PLCH2: variants seen among roughly 807,000 people sequenced by gnomAD.
PLCH2 encodes 1-phosphatidylinositol 4,5-bisphosphate phosphodiesterase eta-2.
Under a neutral mutation model 134.7 loss-of-function variants are expected in PLCH2, and 98 were observed. That is an observed-to-expected ratio of 0.73 (90% CI 0.62 to 0.86). The LOEUF is 0.86. Ranked by LOEUF, PLCH2 falls within the 40% of genes least tolerant of loss-of-function variation. The pLI, the probability that PLCH2 is intolerant of heterozygous loss-of-function variation, is 0.00. For missense variants in PLCH2, 1,994 were observed against 1,986.6 expected, an observed-to-expected ratio of 1.00 and a Z score of -0.07; for synonymous variants, 974 against 827.5, an observed-to-expected ratio of 1.18 and a Z score of -3.04.
chr1:2,455,925 C>T (rs1343106450), intron 2 of PLCH2, among the ~76,000 whole-genome samples: 1 of 152,214 alleles, frequency 6.6e-6, no homozygotes, highest in African/African-American at 2.4e-5. Context: ...TGCCTGTGTG[C>T]TCGTGTGTTT....
chr1:2,437,730 A>G (rs1639495563), intron 2 of PLCH2, among the ~76,000 whole-genome samples: 1 of 152,262 alleles, frequency 6.6e-6, no homozygotes, highest in Admixed American at 6.5e-5. Flanking sequence ...AGACATGCAC[A>G]TACACGTGTG....
At chr1:2,462,273 C>T (rs1444017837) in intron 2 of PLCH2, among the ~76,000 whole-genome samples, 1 of 117,042 alleles carries the variant, frequency 8.5e-6, no homozygotes, top group African/African-American at 3.3e-5. Flanking sequence ...CACCCCTCTG[C>T]CTGGTACCCC....
rs1260878815 is a variant in PLCH2 at position 2,444,691 on chromosome 1, C to A, written c.115+14062C>A. ...TCCCCTCCGCTCCCCGCCTCCCACA[C>A]TGTCTGGTGACACTGGAGGCAGCCA... On this transcript the variant is annotated intron_variant, in intron 2 of 3. Transcript: ENST00000609981. This position sits in a 1 kb window ranked among gnomAD's most constrained non-coding sequence, Gnocchi z 4.6. Among the ~76,000 whole-genome samples, 1 of 152,162 alleles carries A rather than the reference C, an allele frequency of 6.6e-6. No individual in the cohort carries two copies. Among genetic ancestry groups the A allele is most frequent in the Non-Finnish European group, 1.5e-5 (1 of 68,004 alleles).
In PLCH2 at chr1:2,496,612, C is replaced by T. The variant is rs1251183997; in HGVS notation, c.1841C>T (p.Thr614Ile). 1 of 1,610,472 alleles carries T rather than the reference C, an allele frequency of 6.2e-7. No homozygotes were observed. The highest frequency in any genetic ancestry group is 8.5e-7 in the Non-Finnish European group (1 of 1,178,806). Residue 614 changes from threonine to isoleucine, a missense_variant, in exon 14 of 22, where the codon ACC (threonine) becomes ATC (isoleucine). Thr to Ile is a moderately conservative substitution (Grantham distance 89, BLOSUM62 -1). Coordinates refer to ENST00000378486, the MANE Select transcript of PLCH2 (RefSeq NM_014638.4). ...DSPGGQSRGA[T>I]RQKKTMKLSR... ...ACCCCCTGCACCTGCCACAGGGCGA[C>T]CCGGCAGAAGAAGACCATGAAGCTG...
intron 1 of PLCH2, among the ~76,000 whole-genome samples, chr1:2,427,798 AGTGGGAGCCCTCCGGGG>A (rs1178294744): frequency 6.6e-6 from 1 of 151,804 alleles, no homozygotes. Flanking sequence ...GCCCTCCAGA[AGTGGGAGCCCTCCGGGG>A]GTGGGAGCCC....
intron 1 of PLCH2, among the ~76,000 whole-genome samples, chr1:2,470,316 G>C (rs1236717552): frequency 1.3e-5 from 2 of 152,222 alleles, no homozygotes; most frequent in Non-Finnish European, 2.9e-5. Context: ...GCACCTCACT[G>C]GCTCCCAAAA....
intron 2 of PLCH2, among the ~76,000 whole-genome samples, chr1:2,459,073 G>T (rs575910623): frequency 6.6e-6 from 1 of 152,394 alleles, no homozygotes; most frequent in African/African-American, 2.4e-5. Flanking sequence ...CTCCCCGGTG[G>T]CTGGGTTGCA....
rs1189191214 is a variant in PLCH2, at chr1:2,489,391, C to T, written c.1407+13C>T. Reference sequence around the variant, plus strand: ...GATCCTCGTGAAGGTGAGTGAGCCCCTGCCCTCCTGGGACCAGCTCACACA... The same window carrying T: ...GATCCTCGTGAAGGTGAGTGAGCCCTTGCCCTCCTGGGACCAGCTCACACA... On this transcript the variant is annotated intron_variant, in intron 9 of 21. Coordinates refer to ENST00000378486, the MANE Select transcript of PLCH2 (RefSeq NM_014638.4). The T allele has an allele frequency of 6.2e-7, 1 of 1,612,860 alleles. No individual in the cohort carries two copies. The highest frequency in any genetic ancestry group is 1.7e-5 in the Admixed American group (1 of 59,994).
In PLCH2 at chr1:2,494,876, G is replaced by C. The variant is rs777031484; in HGVS notation, c.1680G>C (p.Val560=). The C allele has an allele frequency of 5.6e-6, 9 of 1,606,452 alleles. No individual in the cohort carries two copies. The Admixed American group carries it at 1.2e-4, about 21-fold the overall frequency. ...CTCAGAGCAAGGCTGAAGAGGACGT[G>C]GAGTCTGGGGAGGATGCCGGGGCCA... The part of the protein sequence containing the change: ...LGRKSKAEED[V]ESGEDAGASR... The change falls in exon 12 of 22, where the codon GTG becomes GTC. Residue 560 remains valine (V), a synonymous_variant. Transcript: ENST00000378486.
Position 2,498,928 on chromosome 1 carries a change from C to A in PLCH2, c.2434+100C>A. On this transcript the variant is annotated intron_variant, in intron 18 of 21. Transcript: ENST00000378486. The surrounding 1 kb of genome is among the most constrained non-coding windows in gnomAD (Gnocchi z 5.4). ...CCGGGTGCCCTGCCCAGGCCTCCCT[C>A]AGTGACAGTCCTGGGCGCCCTCCCC... 7.5e-7 allele frequency: 1 copy of A among 1,335,640 alleles called. No individual in the cohort carries two copies. The highest frequency in any genetic ancestry group is 1.0e-6 in the Non-Finnish European group (1 of 955,740). 82.7% of individuals were successfully genotyped at this position (1,335,640 alleles called of 1,614,324 possible).
In PLCH2 at chr1:2,498,606, C is replaced by T. The variant is rs1288858824; in HGVS notation, c.2308C>T (p.Leu770Phe). The T allele has an allele frequency of 3.8e-6, 6 of 1,591,990 alleles. No individual in the cohort carries two copies. The highest frequency in any genetic ancestry group is 5.1e-6 in the Non-Finnish European group (6 of 1,171,698). The change falls in exon 17 of 22, where the codon CTT (leucine) becomes TTT (phenylalanine). Residue 770 changes from leucine (L) to phenylalanine (F), a missense_variant. Around this residue, in one of 2 missense-constraint regions of PLCH2, gnomAD observed 1,094 missense variants for 1,234.3 expected, o/e 0.89. Transcript: ENST00000378486. The surrounding 1 kb of genome is among the most constrained non-coding windows in gnomAD (Gnocchi z 5.4). ...LVLRIISGQQ[L>F]PKPRDSMLGD... Reference sequence around the variant, plus strand: ...GCTCCGGATCATCAGTGGCCAGCAGCTTCCCAAGCCGCGCGACTCCATGCT... The same window carrying T: ...GCTCCGGATCATCAGTGGCCAGCAGTTTCCCAAGCCGCGCGACTCCATGCT...
chr1:2,498,856 C>CA lies in PLCH2; in HGVS notation c.2434+28_2434+29insA. 6.5e-7 allele frequency: 1 copy of CA among 1,547,404 alleles called. No homozygotes were observed. The highest frequency in any genetic ancestry group is 2.3e-5 in the East Asian group (1 of 44,014). ...GAGGCTGGGCCGTGGCTCCGTCACA[C>CA]CTGTGATGGAAGTCTGAGGGGGGAG... On this transcript the variant is annotated intron_variant, in intron 18 of 21. Coordinates refer to ENST00000378486, the MANE Select transcript of PLCH2 (RefSeq NM_014638.4). The surrounding 1 kb of genome is among the most constrained non-coding windows in gnomAD (Gnocchi z 5.4).
At chr1:2,472,901 G>A (rs1209741116), upstream of PLCH2, among the ~76,000 whole-genome samples, 4 of 152,130 alleles carry the variant, frequency 2.6e-5, no homozygotes, top group Non-Finnish European at 5.9e-5. Flanking sequence ...AAGCTGCCCC[G>A]GGTGTGTGTG....
chr1:2,499,517 C>A (rs1397642685), intron 19 of PLCH2, 124 bp from the exon 20 acceptor site: 1 of 779,648 alleles, frequency 1.3e-6, no homozygotes, highest in Admixed American at 2.1e-5. Flanking sequence ...GAGGCAGAGG[C>A]CCCAGGCCTG....
intron 2 of PLCH2, among the ~76,000 whole-genome samples, chr1:2,456,956 T>C (rs1426525862): frequency 1.3e-5 from 2 of 152,200 alleles, no homozygotes; most frequent in Admixed American, 6.5e-5. Flanking sequence ...GCACCTCCTC[T>C]AGGCCTTAGG....
chr1:2,487,472 G>C, intron 7 of PLCH2, 96 bp downstream of exon 7: 2 of 1,471,142 alleles, frequency 1.4e-6, no homozygotes, highest in African/African-American at 2.8e-5. Flanking sequence ...CTGGGCAGGG[G>C]CTGGGAAGGC....
At chr1:2,489,486 AG>A (rs1642451246) in intron 9 of PLCH2, 108 bp downstream of exon 9, 1 of 1,185,046 alleles carries the variant, frequency 8.4e-7, no homozygotes. Flanking sequence ...GGGCATATCT[AG>A]GGGGCTGAGG....
intron 11 of PLCH2, 107 bp downstream of exon 11, chr1:2,491,442 G>A: frequency 1.7e-6 from 2 of 1,146,704 alleles, no homozygotes; most frequent in Non-Finnish European, 2.5e-6. Context: ...ACTCACACCT[G>A]TGCACACACA....
At chr1:2,492,763 C>T (rs1351678953) in intron 11 of PLCH2, among the ~76,000 whole-genome samples, 1 of 152,118 alleles carries the variant, frequency 6.6e-6, no homozygotes, top group East Asian at 1.9e-4. Flanking sequence ...ATGGCAAATC[C>T]CACTGAGGGA....
Sources: gnomAD v4.1 joint callset for allele counts (sites outside exome capture counted in the v4.1 genomes callset) on GRCh38, gnomAD v4.1.1 for gene constraint, gnomAD v4.1.1 regional missense constraint, Gnocchi (gnomAD v3.1) non-coding constraint, MANE v1.5 for transcripts, NCBI Gene and HGNC (gene_info 2026-07-23, HGNC 2026-07-21) for gene names.